ITGA10: variants seen among roughly 807,000 people sequenced by gnomAD.
ITGA10 encodes the protein integrin subunit alpha 10, also known as integrin alpha-10.
Under a neutral mutation model 145.2 loss-of-function variants are expected in ITGA10, and 105 were observed. The ratio of observed to expected loss-of-function variants is 0.72; its 90% CI spans 0.62 to 0.85. ITGA10 has a LOEUF of 0.85. Ranked by LOEUF, ITGA10 falls within the 40% of genes least tolerant of loss-of-function variation. The pLI is 0.00. For missense variants in ITGA10, 1,317 were observed against 1,444.5 expected, an observed-to-expected ratio of 0.91 and a Z score of 1.43; for synonymous variants, 506 against 557.8, an observed-to-expected ratio of 0.91 and a Z score of 1.31.
intron 5 of ITGA10, among the ~76,000 whole-genome samples, chr1:145,905,224 A>G (rs1013145559): frequency 6.6e-6 from 1 of 152,144 alleles, no homozygotes; most frequent in African/African-American, 2.4e-5. Flanking sequence ...GGTAGCAACT[A>G]TGAAGACTGA....
Position 145,902,849 on chromosome 1 carries a change from C to G in ITGA10, c.871G>C (p.Ala291Pro), listed in dbSNP as rs782243985. The part of the protein sequence containing the change: ...DGEELPAALK[A>P]CEAGRVTRYG... ...CGTGTCACTCTTCCAGCCTCACAGG[C>G]CTTTAGTGCTGCAGGAAGCTCCTCT... Residue 291 changes from alanine (A) to proline (P), a missense_variant, in exon 8 of 30, where the codon GCC becomes CCC. Ala to Pro is a conservative substitution (Grantham distance 27). Coordinates refer to ENST00000369304, the MANE Select transcript of ITGA10 (RefSeq NM_003637.5). 1.2e-6 allele frequency: 2 copies of G among 1,613,708 alleles called. No individual in the cohort carries two copies. The highest frequency in any genetic ancestry group is 8.5e-7 in the Non-Finnish European group (1 of 1,179,828).
Position 145,899,279 on chromosome 1 carries a change from A to T in ITGA10, c.1985T>A (p.Val662Asp). The T allele has an allele frequency of 6.2e-7, 1 of 1,614,182 alleles. No individual in the cohort carries two copies. The highest frequency in any genetic ancestry group is 8.5e-7 in the Non-Finnish European group (1 of 1,180,026). ...GCCTCGCCGCCTACAGTCCCTCTGA[A>T]CCACACTGATGGCCTGTGGGGTCAC... ...LEVTPQAISV[V>D]QRDCRRRGQE... is the part of the protein sequence containing the mutation. The change falls in exon 16 of 30, where the codon GTT becomes GAT. Residue 662 changes from valine to aspartate, a missense_variant. By Grantham distance (152) the Val-to-Asp change is radical (BLOSUM62 -3). Transcript: ENST00000369304.
In ITGA10 at chr1:145,902,007, A is replaced by G; in HGVS notation, c.1164T>C (p.Phe388=). 1.2e-6 allele frequency: 2 copies of G among 1,614,108 alleles called. No individual in the cohort carries two copies. Among genetic ancestry groups the G allele is most frequent in the Non-Finnish European group, 1.7e-6 (2 of 1,179,996 alleles). Residue 388 remains phenylalanine, a synonymous_variant, in exon 11 of 30, where the codon TTT becomes TTC. Transcript: ENST00000369304. The stretch of plus-strand genomic sequence containing the variant: ...CCCAGTCATAGGCCCCCACCATCCC[A>G]AAAAGAATCCCATCCTGTGGGACAG... ...STHRLKDGIL[F]GMVGAYDWGG...
intron 15 of ITGA10, 65 bp from the exon 16 acceptor site, chr1:145,899,406 A>G: frequency 1.9e-6 from 3 of 1,546,930 alleles, no homozygotes; most frequent in East Asian, 4.5e-5. Context: ...GTGCAAGCCC[A>G]GTGTTTGCTT....
Position 145,892,807 on chromosome 1 carries a change from C to G in ITGA10, c.3495G>C (p.Leu1165Phe), listed in dbSNP as rs1553743621. ...IPEEEKREEKLEQ is the reference protein window; with the variant it reads ...IPEEEKREEKFEQ ...GACCCTTATTCTACATTCATTGCTC[C>G]AACTTCTCTTCTCTTTTTTCTTCCT... The change falls in exon 30 of 30, where the codon TTG (leucine) becomes TTC (phenylalanine). Residue 1165 changes from leucine (L) to phenylalanine (F), a missense_variant. Leu to Phe is a conservative substitution (Grantham distance 22). Transcript: ENST00000369304. 6.2e-7 allele frequency: 1 copy of G among 1,612,852 alleles called. No individual in the cohort carries two copies.
At chr1:145,897,199 A>C in intron 21 of ITGA10, 48 bp downstream of exon 21, 1 of 1,595,408 alleles carries the variant, frequency 6.3e-7, no homozygotes, top group Non-Finnish European at 8.6e-7. Context: ...CTCAGATCCC[A>C]GCCTCTGCCC....
At position 145,904,621 on chromosome 1, in the gene ITGA10, C is replaced by G. The variant is rs977436884; in HGVS notation, c.609+63G>C. 3.2e-6 allele frequency: 5 copies of G among 1,582,672 alleles called. No individual in the cohort carries two copies. In the African/African-American group the frequency reaches 6.7e-5, roughly 21 times the overall value. ...AACTCCTGGCCTCAGGGGATCCTCC[C>G]ACCTCCACCTCTTAAGTAGGTGCCA... On this transcript the variant is annotated intron_variant, in intron 6 of 29. Coordinates refer to ENST00000369304, the MANE Select transcript of ITGA10 (RefSeq NM_003637.5).
chr1:145,902,114 G>C (rs1656421762), intron 10 of ITGA10, 93 bp from the exon 11 acceptor site: 2 of 1,579,582 alleles, frequency 1.3e-6, no homozygotes, highest in Admixed American at 1.7e-5. Context: ...CTGAGGGTCT[G>C]CTGGGCTCAG....
At chr1:145,897,963 G>A (rs1655677071) in intron 18 of ITGA10, 63 bp from the exon 19 acceptor site, 1 of 1,456,984 alleles carries the variant, frequency 6.9e-7, no homozygotes, top group Non-Finnish European at 9.6e-7. Context: ...ATAGAATAGG[G>A]GGAAAGTGAA....
Position 145,901,327 on chromosome 1 carries a change from G to T in ITGA10, c.1444-49C>A. 1 of 1,604,218 alleles carries T rather than the reference G, an allele frequency of 6.2e-7. No homozygotes were observed. Among genetic ancestry groups the T allele is most frequent in the Non-Finnish European group, 8.5e-7 (1 of 1,173,904 alleles). On this transcript the variant is annotated intron_variant, in intron 12 of 29. Coordinates refer to ENST00000369304, the MANE Select transcript of ITGA10 (RefSeq NM_003637.5). This position sits in a 1 kb window ranked among gnomAD's most constrained non-coding sequence, Gnocchi z 4.3. ...ACCCCAGAGAAAAGGGAAGGTAACT[G>T]TAGACAAGTGGACTCAGTGGGAAGC...
intron 5 of ITGA10, 35 bp downstream of exon 5, chr1:145,906,359 C>T: frequency 2.0e-6 from 3 of 1,537,756 alleles, no homozygotes; most frequent in Non-Finnish European, 2.7e-6. Context: ...GTATCTCCTT[C>T]TGGGAACCAA....
At position 145,901,245 on chromosome 1, in the gene ITGA10, A is replaced by G. The variant is rs1553748233; in HGVS notation, c.1477T>C (p.Leu493=). 8 of 1,613,962 alleles carry G rather than the reference A, an allele frequency of 5.0e-6. No homozygotes were observed. Among genetic ancestry groups the G allele is most frequent in the African/African-American group, 1.3e-5 (1 of 74,874 alleles). ...GTTGTTCCATCCCTATCTGTATCCA[A>G]TGGGCAGAGCTCACTGCCAAAGTAT... The part of the protein sequence containing the change: ...GSYFGSELCP[L]DTDRDGTTDV... Residue 493 remains leucine (L), a synonymous_variant, in exon 13 of 30, where the codon TTG becomes CTG. Coordinates refer to ENST00000369304, the MANE Select transcript of ITGA10 (RefSeq NM_003637.5). This position sits in a 1 kb window ranked among gnomAD's most constrained non-coding sequence, Gnocchi z 4.3.
Position 145,904,111 on chromosome 1 carries a change from CT to C in ITGA10, c.698del (p.Lys233ArgfsTer17). Reference sequence around the variant, plus strand: ...CTCGTCCCTCCCGCCGACTGAGGTTCTTTGCTGCTCTCACCACTTCTTCCTT... The same window carrying C: ...CTCGTCCCTCCCGCCGACTGAGGTTCTTGCTGCTCTCACCACTTCTTCCTT... ...RTKEEVVRAA[K>X]NLSRREGRET... is the part of the protein sequence containing the mutation. On this transcript the variant is annotated frameshift_variant, in exon 7 of 30. Coordinates refer to ENST00000369304, the MANE Select transcript of ITGA10 (RefSeq NM_003637.5). LOFTEE classifies it high-confidence loss of function. 1 of 1,614,190 alleles carries C rather than the reference CT, an allele frequency of 6.2e-7. No individual in the cohort carries two copies. Among genetic ancestry groups the C allele is most frequent in the Non-Finnish European group, 8.5e-7 (1 of 1,180,044 alleles).
At chr1:145,893,351 GC>G in intron 28 of ITGA10, 77 bp from the exon 29 acceptor site, 1 of 1,120,880 alleles carries the variant, frequency 8.9e-7, no homozygotes, top group Non-Finnish European at 1.4e-6. Context: ...ATCAAAGCCA[GC>G]CCCCAAATAG....
At chr1:145,908,990 TGAA>T (rs587743818) in intron 1 of ITGA10, among the ~76,000 whole-genome samples, 169 of 152,114 alleles carry the variant, frequency 1.1e-3, no homozygotes, top group Non-Finnish European at 1.8e-3. Context: ...GGGCTTAGGA[TGAA>T]GATTTTATAT....
chr1:145,906,691 TGG>T, intron 4 of ITGA10, 40 bp downstream of exon 4: 1 of 1,495,210 alleles, frequency 6.7e-7, no homozygotes, highest in Non-Finnish European at 9.3e-7. Context: ...TTTTCTTTTA[TGG>T]ACCTTCAGAG....
At chr1:145,894,399 C>T (rs587734834) in intron 27 of ITGA10, among the ~76,000 whole-genome samples, 8 of 152,046 alleles carry the variant, frequency 5.3e-5, no homozygotes, top group Admixed American at 1.3e-4. Flanking sequence ...CGTGAGCCAC[C>T]GCGCCCGGCC....
At position 145,904,160 on chromosome 1, in the gene ITGA10, C is replaced by A; in HGVS notation, c.650G>T (p.Trp217Leu). ...VQYGESPVHE[W>L]SLGDFRTKEE... Reference sequence around the variant, plus strand: ...CTTCGTTCGGAAATCTCCCAGGGACCACTCATGTACAGGGCTCTCCCCATA... The same window carrying A: ...CTTCGTTCGGAAATCTCCCAGGGACAACTCATGTACAGGGCTCTCCCCATA... Residue 217 changes from tryptophan to leucine, a missense_variant, in exon 7 of 30, where the codon TGG becomes TTG. Physicochemically the swap from Trp to Leu is moderately conservative, Grantham distance 61. Coordinates refer to ENST00000369304, the MANE Select transcript of ITGA10 (RefSeq NM_003637.5). 6.2e-7 allele frequency: 1 copy of A among 1,614,134 alleles called. No homozygotes were observed. The highest frequency in any genetic ancestry group is 8.5e-7 in the Non-Finnish European group (1 of 1,180,016).
rs1553749572 is a variant in ITGA10, at chr1:145,902,897, T to A, written c.823A>T (p.Thr275Ser). 1.2e-6 allele frequency: 2 copies of A among 1,613,998 alleles called. No individual in the cohort carries two copies. The highest frequency in any genetic ancestry group is 2.2e-5 in the South Asian group (2 of 91,066). The change falls in exon 8 of 30, where the codon ACT becomes TCT. Residue 275 changes from threonine (T) to serine (S), a missense_variant. Physicochemically the swap from Thr to Ser is moderately conservative, Grantham distance 58 (BLOSUM62 1). Coordinates refer to ENST00000369304, the MANE Select transcript of ITGA10 (RefSeq NM_003637.5). Reference protein sequence around the residue: ...PEAARLLVVVTDGESHDGEEL... With the variant: ...PEAARLLVVVSDGESHDGEEL... ...TCTCCATCATGGGACTCTCCATCAG[T>A]GACAACCACCAGTAGCCTGGCAGCC...
Sources: allele counts gnomAD v4.1 joint callset (sites outside exome capture counted in the v4.1 genomes callset), GRCh38; gene constraint gnomAD v4.1.1; non-coding constraint Gnocchi (gnomAD v3.1); transcripts MANE v1.5; gene names NCBI Gene and HGNC (gene_info 2026-07-23, HGNC 2026-07-21).